The following MUC7 variants were observed in gnomAD, a reference collection of about 807,000 sequenced individuals.
The protein encoded by MUC7 is mucin-7.
Under a neutral mutation model 2.5 loss-of-function variants are expected in MUC7, and 2 were observed. The observed-to-expected ratio is 0.81, with a 90% CI of 0.33 to 2.55. MUC7 has a LOEUF of 2.55. Among genes scored for constraint, MUC7 ranks in the 30% most tolerant of loss-of-function variants. The probability of loss-of-function intolerance (pLI) is 0.11; values close to 1 mark genes in which losing one functional copy is unlikely to be tolerated. For missense variants in MUC7, 408 were observed against 455.6 expected, an observed-to-expected ratio of 0.90 and a Z score of 0.95; for synonymous variants, 133 against 173.4, an observed-to-expected ratio of 0.77 and a Z score of 1.83.
rs149326598 is a variant in MUC7, at chr4:70,465,785, A to C, written c.-92-6430A>C. Among the ~76,000 whole-genome samples, 981 of 152,312 alleles carry C rather than the reference A, an allele frequency of 6.4e-3. 17 individuals are homozygous for C. The highest frequency in any genetic ancestry group is 0.023 in the African/African-American group (938 of 41,572). On this transcript the variant is annotated intron_variant, in intron 1 of 3. Coordinates refer to the MUC7 transcript ENST00000413702. ...ACTTACGCTTGATTGGTGTACATGA[A>C]AGTGATGGGGAGAATGGAACCAAGT...
chr4:70,431,517 A>C (rs1733665763), intron 1 of MUC7, among the ~76,000 whole-genome samples: 1 of 152,106 alleles, frequency 6.6e-6, no homozygotes, highest in African/African-American at 2.4e-5. Flanking sequence ...ATATACAACT[A>C]TTCTAGAAGT....
At chr4:70,456,450 A>G (rs376437425) in intron 1 of MUC7, among the ~76,000 whole-genome samples, 48 of 152,260 alleles carry the variant, frequency 3.2e-4, no homozygotes, top group African/African-American at 9.9e-4. Flanking sequence ...GACTTAATTG[A>G]CTCATGGTTC....
chr4:70,450,428 C>T (rs1238708829), intron 1 of MUC7, among the ~76,000 whole-genome samples: 1 of 152,172 alleles, frequency 6.6e-6, no homozygotes, highest in East Asian at 1.9e-4. Context: ...GCCCACTTGG[C>T]CTAGAGCCAA....
At chr4:70,475,584 CT>C (rs1335725537) in intron 2 of MUC7, among the ~76,000 whole-genome samples, 1 of 152,022 alleles carries the variant, frequency 6.6e-6, no homozygotes, top group Non-Finnish European at 1.5e-5. Context: ...CAAAGTGGAC[CT>C]TCTATCTTTA....
At chr4:70,469,828 A>C (rs1399079612), upstream of MUC7, among the ~76,000 whole-genome samples, 1 of 152,226 alleles carries the variant, frequency 6.6e-6, no homozygotes, top group African/African-American at 2.4e-5. Flanking sequence ...AATTAGTTCA[A>C]CAATTGTGGA....
At chr4:70,454,538 A>C (rs1577905143) in intron 1 of MUC7, among the ~76,000 whole-genome samples, 1 of 152,196 alleles carries the variant, frequency 6.6e-6, no homozygotes, top group South Asian at 2.1e-4. Context: ...AGATGAGGGA[A>C]GGGTTGTGTC....
chr4:70,441,362 A>C (rs553993902), intron 1 of MUC7, among the ~76,000 whole-genome samples: 167 of 152,322 alleles, frequency 1.1e-3, no homozygotes, highest in Non-Finnish European at 1.6e-3. Context: ...TTAGGATGAA[A>C]ATACTGGAAT....
chr4:70,436,382 G>C (rs913607688), intron 1 of MUC7, among the ~76,000 whole-genome samples: 8 of 152,064 alleles, frequency 5.3e-5, no homozygotes, highest in African/African-American at 1.7e-4. Context: ...CATATTTCCT[G>C]GAGGCTTTGT....
chr4:70,435,855 A>C (rs1348806207), intron 1 of MUC7, among the ~76,000 whole-genome samples: 2 of 151,954 alleles, frequency 1.3e-5, no homozygotes, highest in Non-Finnish European at 2.9e-5. Flanking sequence ...TTTCCTCTCC[A>C]TGTTTAGTGC....
chr4:70,452,559 C>A (rs201025079), intron 1 of MUC7, among the ~76,000 whole-genome samples: 1 of 151,262 alleles, frequency 6.6e-6, no homozygotes, highest in Admixed American at 6.6e-5. Flanking sequence ...AAAACAAAAA[C>A]AAAAAAAAAA....
chr4:70,432,180 C>A (rs1733685345), intron 1 of MUC7, among the ~76,000 whole-genome samples: 1 of 152,190 alleles, frequency 6.6e-6, no homozygotes, highest in South Asian at 2.1e-4. Context: ...CAAGTCTTTG[C>A]TATTGCGAAT....
intron 1 of MUC7, among the ~76,000 whole-genome samples, chr4:70,457,373 G>A (rs571678310): frequency 2.0e-5 from 3 of 152,246 alleles, no homozygotes; most frequent in South Asian, 4.1e-4. Flanking sequence ...GAGGCCAGGA[G>A]GTTAAGGTTG....
At chr4:70,459,749 A>G (rs1255110999) in intron 1 of MUC7, among the ~76,000 whole-genome samples, 1 of 152,216 alleles carries the variant, frequency 6.6e-6, no homozygotes, top group East Asian at 1.9e-4. Context: ...GTACATAGTA[A>G]CAGGTATAAT....
chr4:70,480,687 G>A, intron 2 of MUC7, 112 bp from the exon 3 acceptor site: 2 of 1,101,802 alleles, frequency 1.8e-6, no homozygotes, highest in Non-Finnish European at 2.6e-6. Context: ...AATGTACTCT[G>A]GTTTCTAATC....
chr4:70,477,730 T>C (rs1735045218), intron 2 of MUC7, among the ~76,000 whole-genome samples: 1 of 152,158 alleles, frequency 6.6e-6, no homozygotes, highest in Non-Finnish European at 1.5e-5. Context: ...ATCCATATAA[T>C]GAAGATAATA....
intron 1 of MUC7, 94 bp downstream of exon 1, chr4:70,472,385 G>A (rs887135701): frequency 6.6e-5 from 10 of 152,170 alleles, no homozygotes; most frequent in African/African-American, 2.4e-4. Context: ...TTCTAATACA[G>A]TTATTCTCCT....
intron 1 of MUC7, among the ~76,000 whole-genome samples, chr4:70,432,965 G>A (rs904565664): frequency 6.6e-5 from 10 of 152,094 alleles, no homozygotes; most frequent in South Asian, 2.1e-4. Flanking sequence ...CAGTTTTCCC[G>A]ACACCACTTA....
At chr4:70,470,810 CT>C (rs368025595), upstream of MUC7, among the ~76,000 whole-genome samples, 30 of 152,330 alleles carry the variant, frequency 2.0e-4, no homozygotes, top group South Asian at 6.0e-3. Context: ...CCCATATTTA[CT>C]AACTCATTGC....
intron 2 of MUC7, among the ~76,000 whole-genome samples, 172 bp from the exon 3 acceptor site, chr4:70,480,627 A>G (rs1423825253): frequency 6.6e-6 from 1 of 152,202 alleles, no homozygotes; most frequent in Non-Finnish European, 1.5e-5. Flanking sequence ...TCTAGTAGCA[A>G]TTCTTTCTTG....
Sources: gnomAD v4.1 joint callset for allele counts (sites outside exome capture counted in the v4.1 genomes callset) on GRCh38, gnomAD v4.1.1 for gene constraint, MANE v1.5 for transcripts, NCBI Gene and HGNC (gene_info 2026-07-23, HGNC 2026-07-21) for gene names.